The following RARB variants were observed in gnomAD, a reference collection of about 807,000 sequenced individuals.
The protein encoded by RARB is retinoic acid receptor beta.
Under a neutral mutation model 51.9 loss-of-function variants are expected in RARB, and 17 were observed. The observed-to-expected ratio is 0.33, with a 90% CI of 0.22 to 0.49. The LOEUF (loss-of-function observed/expected upper bound fraction) is 0.49. Ranked by LOEUF, RARB falls within the 20% of genes least tolerant of loss-of-function variation. The pLI is 0.99. For missense variants in RARB, 369 were observed against 550.8 expected (o/e 0.67, Z 3.30); for synonymous variants, 215 against 195.4 (o/e 1.10, Z -0.84).
At chr3:24,866,289 C>G (rs565823183) in intron 2 of RARB, among the ~76,000 whole-genome samples, 4 of 152,236 alleles carry the variant, frequency 2.6e-5, no homozygotes, top group Non-Finnish European at 4.4e-5. Flanking sequence ...CTCTGAGTGA[C>G]TACCTTGTCC....
intron 3 of RARB, among the ~76,000 whole-genome samples, chr3:25,097,845 C>T (rs986021436): frequency 6.6e-6 from 1 of 152,056 alleles, no homozygotes; most frequent in Non-Finnish European, 1.5e-5. Flanking sequence ...GCTTTGTGCT[C>T]ATCCCAATCT....
chr3:25,127,769 T>C (rs1043533683), intron 3 of RARB, among the ~76,000 whole-genome samples: 2 of 152,048 alleles, frequency 1.3e-5, no homozygotes, highest in Non-Finnish European at 2.9e-5. Context: ...GTACTAGAAA[T>C]TATTATTTTC....
At chr3:25,494,486 T>A (rs760013272) in intron 2 of RARB, among the ~76,000 whole-genome samples, 21 of 152,232 alleles carry the variant, frequency 1.4e-4, no homozygotes, top group Non-Finnish European at 2.8e-4. Flanking sequence ...TCAGTAAATA[T>A]TTTATGTGTC....
chr3:25,029,317 A>G (rs974077731), intron 2 of RARB, among the ~76,000 whole-genome samples: 6 of 152,232 alleles, frequency 3.9e-5, no homozygotes, highest in African/African-American at 7.2e-5. Flanking sequence ...CAGTCGTGAG[A>G]AACCTAAGAG....
At chr3:25,367,049 C>A (rs1217086438) in intron 5 of RARB, among the ~76,000 whole-genome samples, 1 of 152,100 alleles carries the variant, frequency 6.6e-6, no homozygotes, top group East Asian at 1.9e-4. Context: ...TTATTGCCAG[C>A]CAAGAGTTCA....
chr3:25,008,795 A>G (rs977015616), intron 2 of RARB, among the ~76,000 whole-genome samples: 1 of 152,120 alleles, frequency 6.6e-6, no homozygotes, highest in African/African-American at 2.4e-5. Context: ...GGCCCTTGAG[A>G]CATTTAATAT....
At chr3:24,940,743 G>A (rs554282318) in intron 2 of RARB, among the ~76,000 whole-genome samples, 2 of 152,182 alleles carry the variant, frequency 1.3e-5, no homozygotes, top group African/African-American at 4.8e-5. Context: ...GTGACAGGAA[G>A]TGGGGAAAGC....
chr3:25,111,349 T>C (rs1452968278), intron 3 of RARB, among the ~76,000 whole-genome samples: 1 of 152,178 alleles, frequency 6.6e-6, no homozygotes, highest in Non-Finnish European at 1.5e-5. Context: ...TGACCACTGT[T>C]GGTATTAAGT....
chr3:25,537,946 T>C (rs185240985), intron 3 of RARB, among the ~76,000 whole-genome samples: 8 of 152,336 alleles, frequency 5.3e-5, no homozygotes, highest in Admixed American at 4.6e-4. Context: ...AGTGCTACTT[T>C]ACTGAGTTAA....
At chr3:25,410,375 A>C (rs1707527453) in intron 5 of RARB, among the ~76,000 whole-genome samples, 1 of 152,190 alleles carries the variant, frequency 6.6e-6, no homozygotes, top group African/African-American at 2.4e-5. Flanking sequence ...TTAGGAACAT[A>C]TTGCCGTGTC....
At chr3:24,861,140 G>C (rs999725212) in intron 2 of RARB, among the ~76,000 whole-genome samples, 2 of 152,166 alleles carry the variant, frequency 1.3e-5, no homozygotes, top group African/African-American at 4.8e-5. Context: ...GGAAGTATCT[G>C]TACTGAATGT....
chr3:24,998,617 T>C (rs913192722), intron 2 of RARB, among the ~76,000 whole-genome samples: 2 of 152,200 alleles, frequency 1.3e-5, no homozygotes, highest in South Asian at 4.1e-4. Flanking sequence ...TAAGGAGTTA[T>C]GTCTAGTTCA....
At chr3:25,555,863 A>G (rs1188496421) in intron 3 of RARB, among the ~76,000 whole-genome samples, 1 of 152,180 alleles carries the variant, frequency 6.6e-6, no homozygotes, top group African/African-American at 2.4e-5. Flanking sequence ...AGGCATTAGC[A>G]GATGTCTTTT....
intron 5 of RARB, among the ~76,000 whole-genome samples, chr3:25,261,023 T>G (rs893987188): frequency 2.0e-5 from 3 of 152,140 alleles, no homozygotes; most frequent in African/African-American, 7.2e-5. Context: ...ATCTGTAAAA[T>G]GAGGCTAAGA....
intron 5 of RARB, among the ~76,000 whole-genome samples, chr3:25,272,988 G>A (rs1703289347): frequency 1.3e-5 from 2 of 152,104 alleles, no homozygotes; most frequent in African/African-American, 4.8e-5. Flanking sequence ...AACTGTGGAG[G>A]GAAATCTTTT....
intron 5 of RARB, among the ~76,000 whole-genome samples, chr3:25,226,285 A>G (rs1015762342): frequency 6.6e-6 from 1 of 152,206 alleles, no homozygotes; most frequent in African/African-American, 2.4e-5. Flanking sequence ...AGGTATTACA[A>G]GAGCCTTTAT....
chr3:25,299,841 C>T (rs1291825375), intron 5 of RARB, among the ~76,000 whole-genome samples: 5 of 152,178 alleles, frequency 3.3e-5, no homozygotes, highest in African/African-American at 1.2e-4. Flanking sequence ...CTTTATCTTT[C>T]CTGTTCAAGA....
intron 4 of RARB, among the ~76,000 whole-genome samples, chr3:25,137,999 T>G (rs1254978192): frequency 6.6e-6 from 1 of 152,124 alleles, no homozygotes. Flanking sequence ...AGATCAAATT[T>G]GAGATCTCAT....
At chr3:25,433,950 T>C (rs1022682595) in intron 1 of RARB, among the ~76,000 whole-genome samples, 1 of 152,198 alleles carries the variant, frequency 6.6e-6, no homozygotes, top group Non-Finnish European at 1.5e-5. Context: ...CAGAGCTTCT[T>C]AGATGGGAAG....
Sources: gnomAD v4.1 joint callset for allele counts (sites outside exome capture counted in the v4.1 genomes callset) on GRCh38, gnomAD v4.1.1 for gene constraint, MANE v1.5 for transcripts, NCBI Gene and HGNC (gene_info 2026-07-23, HGNC 2026-07-21) for gene names.